The following RGS7 variants were observed in gnomAD, a reference collection of about 807,000 sequenced individuals.
RGS7 encodes regulator of G protein signaling 7.
In RGS7, 27 loss-of-function variants were observed where a neutral mutation model predicts 81.1. The ratio of observed to expected loss-of-function variants is 0.33; its 90% CI spans 0.25 to 0.46. RGS7 has a LOEUF of 0.46. RGS7 is among the 20% of genes least tolerant of loss of function. The pLI is 1.00. For synonymous variants in RGS7, 208 were observed against 207.7 expected, an observed-to-expected ratio of 1.00 and a Z score of -0.01; for missense variants, 396 against 607.4, an observed-to-expected ratio of 0.65 and a Z score of 3.66.
chr1:240,831,630 CTT>C (rs767275119), intron 9 of RGS7, among the ~76,000 whole-genome samples: 6 of 135,370 alleles, frequency 4.4e-5, no homozygotes, highest in Non-Finnish European at 4.8e-5. Flanking sequence ...TCCAGACATC[CTT>C]TTTTTTTTTT....
At chr1:241,161,552 G>A (rs1356162183) in intron 2 of RGS7, among the ~76,000 whole-genome samples, 2 of 121,030 alleles carry the variant, frequency 1.7e-5, no homozygotes, top group Middle Eastern at 3.9e-3. Flanking sequence ...ATTAATGATA[G>A]TAACTAATAA....
In RGS7 at chr1:240,982,639, G is replaced by A. The variant is rs1322468091; in HGVS notation, c.226+440C>T. 5.3e-5 allele frequency among the ~76,000 whole-genome samples: 8 copies of A among 151,642 alleles called. No homozygotes were observed. The East Asian group carries it at 1.2e-3, about 22-fold the overall frequency. On this transcript the variant is annotated intron_variant, in intron 4 of 18. Transcript: ENST00000440928. ...TCACACACACACACCATGTAGGCAC[G>A]AGAAAAAAAATCAGAATTACAAATA...
rs114119932 is a variant in RGS7, at chr1:241,150,687, T to C, written c.79-51925A>G. The stretch of plus-strand genomic sequence containing the variant: ...GTGTTCTCCAAAGAGACTGAATCAA[T>C]AGAATACAGATATAGATGTAGATAC... On this transcript the variant is annotated intron_variant, in intron 2 of 18. Coordinates refer to ENST00000440928, the MANE Select transcript of RGS7 (RefSeq NM_001364886.1). 6.0e-3 allele frequency among the ~76,000 whole-genome samples: 911 copies of C among 152,304 alleles called. 11 individuals are homozygous for C. The highest frequency in any genetic ancestry group is 0.021 in the African/African-American group (874 of 41,552).
intron 4 of RGS7, among the ~76,000 whole-genome samples, chr1:240,937,105 C>G (rs929948995): frequency 7.9e-5 from 12 of 152,174 alleles, no homozygotes; most frequent in African/African-American, 2.9e-4. Flanking sequence ...TCCCTTCCCA[C>G]CTAATTAGCC....
chr1:240,955,551 CAA>C (rs369155474), intron 4 of RGS7, among the ~76,000 whole-genome samples: 3 of 140,272 alleles, frequency 2.1e-5, no homozygotes, highest in African/African-American at 5.4e-5. Flanking sequence ...GACTCTGTCT[CAA>C]AAAAAAAAAA....
At chr1:240,800,108 T>C (rs1450842958) in intron 18 of RGS7, among the ~76,000 whole-genome samples, 2 of 152,190 alleles carry the variant, frequency 1.3e-5, no homozygotes, top group African/African-American at 4.8e-5. Flanking sequence ...TCTTAAACAA[T>C]ACACAGAGTA....
At chr1:240,956,454 T>A (rs1296530390) in intron 4 of RGS7, among the ~76,000 whole-genome samples, 3 of 151,212 alleles carry the variant, frequency 2.0e-5, no homozygotes, top group Admixed American at 2.0e-4. Flanking sequence ...AATAGAAACA[T>A]CTTCCCTGCC....
At chr1:240,995,673 T>C (rs1461695117) in intron 3 of RGS7, among the ~76,000 whole-genome samples, 3 of 151,498 alleles carry the variant, frequency 2.0e-5, no homozygotes, top group Non-Finnish European at 4.4e-5. Flanking sequence ...TCATTTCCCC[T>C]GCTTCATTCC....
chr1:240,938,238 G>A (rs1486535547), intron 4 of RGS7, among the ~76,000 whole-genome samples: 1 of 152,134 alleles, frequency 6.6e-6, no homozygotes, highest in Non-Finnish European at 1.5e-5. Flanking sequence ...CCACAGATGT[G>A]GAAGTCATAA....
At chr1:240,915,322 C>T (rs889831325) in intron 6 of RGS7, among the ~76,000 whole-genome samples, 4 of 152,084 alleles carry the variant, frequency 2.6e-5, no homozygotes, top group Non-Finnish European at 1.5e-5. Flanking sequence ...CCAAGGAGCA[C>T]ATGTGGAGAT....
intron 5 of RGS7, among the ~76,000 whole-genome samples, chr1:240,935,783 GT>G (rs1310787731): frequency 6.6e-6 from 1 of 152,196 alleles, no homozygotes; most frequent in African/African-American, 2.4e-5. Flanking sequence ...CTTAGAACAA[GT>G]GAGAAGAAGG....
chr1:240,807,366 C>T (rs1171981478), intron 14 of RGS7, among the ~76,000 whole-genome samples: 2 of 152,140 alleles, frequency 1.3e-5, no homozygotes, highest in Non-Finnish European at 2.9e-5. Flanking sequence ...ACTCTTACTG[C>T]TCTAATAGTA....
chr1:240,914,339 T>G (rs1329560490), intron 6 of RGS7, among the ~76,000 whole-genome samples: 1 of 152,198 alleles, frequency 6.6e-6, no homozygotes, highest in African/African-American at 2.4e-5. Flanking sequence ...TCTCTCCTTT[T>G]ATTCATGCCC....
At chr1:241,048,429 G>A (rs1235526905) in intron 3 of RGS7, among the ~76,000 whole-genome samples, 1 of 152,084 alleles carries the variant, frequency 6.6e-6, no homozygotes. Context: ...TTTAGTAGAA[G>A]CCAGCATAAA....
intron 3 of RGS7, among the ~76,000 whole-genome samples, chr1:241,055,152 G>GGACT (rs1478274678): frequency 6.6e-6 from 1 of 152,140 alleles, no homozygotes; most frequent in Non-Finnish European, 1.5e-5. Flanking sequence ...ACTCAACACA[G>GGACT]GACTACTGAC....
chr1:241,078,475 C>T (rs2062952761), intron 3 of RGS7, among the ~76,000 whole-genome samples: 1 of 83,564 alleles, frequency 1.2e-5, no homozygotes, highest in Non-Finnish European at 2.3e-5. Flanking sequence ...TGCACACACA[C>T]ACGTAAGTTA....
chr1:240,985,041 C>G (rs993456321), intron 3 of RGS7, among the ~76,000 whole-genome samples: 3 of 152,276 alleles, frequency 2.0e-5, no homozygotes, highest in Admixed American at 2.0e-4. Flanking sequence ...CTCTAAGGGT[C>G]AAATGGAAAG....
chr1:241,247,331 G>A (rs4660046), intron 2 of RGS7, among the ~76,000 whole-genome samples: 15,379 of 152,196 alleles, frequency 0.1, 1,063 homozygotes, highest in East Asian at 0.31. Flanking sequence ...TTATTTGGAA[G>A]TAATGGCTTT....
chr1:240,778,324 A>G (rs1004999068), intron 18 of RGS7, among the ~76,000 whole-genome samples: 1 of 152,224 alleles, frequency 6.6e-6, no homozygotes, highest in Non-Finnish European at 1.5e-5. Context: ...ACATTTTTGG[A>G]AAAAGACAAT....
Sources: allele counts gnomAD v4.1 joint callset (sites outside exome capture counted in the v4.1 genomes callset), GRCh38; gene constraint gnomAD v4.1.1; transcripts MANE v1.5; gene names NCBI Gene and HGNC (gene_info 2026-07-23, HGNC 2026-07-21).